Variants in PALM2AKAP2 observed in about 807,000 individuals in gnomAD.
The protein encoded by PALM2AKAP2 is PALM2 and AKAP2 fusion.
Under a neutral mutation model 71.5 loss-of-function variants are expected in PALM2AKAP2, and 37 were observed. The ratio of observed to expected loss-of-function variants is 0.52; its 90% CI spans 0.40 to 0.68. The LOEUF (loss-of-function observed/expected upper bound fraction) is 0.68. Among genes scored for constraint, PALM2AKAP2 ranks in the 30% least tolerant of loss-of-function variants. The pLI, the probability that PALM2AKAP2 is intolerant of heterozygous loss-of-function variation, is 0.00. For missense variants in PALM2AKAP2, 1,224 were observed against 1,191.8 expected (o/e 1.03, Z -0.40); for synonymous variants, 468 against 478.8 (o/e 0.98, Z 0.29).
At chr9:110,119,171 C>T (rs1185715403) in intron 1 of PALM2AKAP2, among the ~76,000 whole-genome samples, 1 of 151,490 alleles carries the variant, frequency 6.6e-6, no homozygotes, top group East Asian at 1.9e-4. Context: ...GGTAAAAATC[C>T]GTCTCTACTA....
At chr9:110,153,648 C>T (rs1221793432) in intron 2 of PALM2AKAP2, among the ~76,000 whole-genome samples, 3 of 152,228 alleles carry the variant, frequency 2.0e-5, no homozygotes, top group East Asian at 3.8e-4. Context: ...TTGCCTACCT[C>T]GTGCCATGTA....
At chr9:110,020,550 A>G (rs751043209) in intron 7 of PALM2AKAP2, among the ~76,000 whole-genome samples, 1 of 151,914 alleles carries the variant, frequency 6.6e-6, no homozygotes, top group Non-Finnish European at 1.5e-5. Context: ...GGGCGTGGTG[A>G]TGCATGCCTG....
At chr9:109,657,938 T>TTGTG (rs35984840) in intron 1 of PALM2AKAP2, among the ~76,000 whole-genome samples, 8,959 of 142,482 alleles carry the variant, frequency 0.063, 343 homozygotes, top group Non-Finnish European at 0.087. Context: ...TTGTGTGTGT[T>TTGTG]TGTGTGTGTG....
Position 109,903,423 on chromosome 9 carries a change from A to G in PALM2AKAP2, c.258-20312A>G, listed in dbSNP as rs1225465392. On this transcript the variant is annotated intron_variant, in intron 3 of 9. Transcript: ENST00000302798. ...CCCTCTAAAGTGATGATCTCAATGA[A>G]GATGGTTCACATAGGCCCACTACTT... Among the ~76,000 whole-genome samples, 9 of 152,248 alleles carry G rather than the reference A, an allele frequency of 5.9e-5. No homozygotes were observed. The East Asian group carries it at 1.7e-3, about 29-fold the overall frequency.
chr9:110,005,022 C>T (rs1159189730), intron 6 of PALM2AKAP2, among the ~76,000 whole-genome samples: 6 of 152,232 alleles, frequency 3.9e-5, no homozygotes, highest in Non-Finnish European at 5.9e-5. Flanking sequence ...GCCTTCTTCT[C>T]TCAACTCGTC....
At chr9:110,053,942 C>G (rs1265104880) in intron 1 of PALM2AKAP2, among the ~76,000 whole-genome samples, 3 of 152,116 alleles carry the variant, frequency 2.0e-5, no homozygotes, top group Non-Finnish European at 4.4e-5. Context: ...GTTTTTGATG[C>G]CTGATTGGAG....
Position 110,086,482 on chromosome 9 carries a change from C to T in PALM2AKAP2, c.156+37627C>T, listed in dbSNP as rs180694834. Among the ~76,000 whole-genome samples, 7 of 152,290 alleles carry T rather than the reference C, an allele frequency of 4.6e-5. No individual in the cohort carries two copies. In the East Asian group the frequency reaches 9.6e-4, roughly 21 times the overall value. On this transcript the variant is annotated intron_variant, in intron 1 of 3. Coordinates refer to ENST00000374525, the Ensembl canonical transcript of PALM2AKAP2. Reference sequence around the variant, plus strand: ...ATAGAGGCAATTCCTTGAAAAGCTGCAGAGAATGACTTGTACCATTTGCTG... The same window carrying T: ...ATAGAGGCAATTCCTTGAAAAGCTGTAGAGAATGACTTGTACCATTTGCTG...
chr9:109,880,515 TATC>T (rs1221211515), intron 2 of PALM2AKAP2, 33 bp from the exon 3 acceptor site: 2 of 1,610,458 alleles, frequency 1.2e-6, no homozygotes, highest in Admixed American at 3.3e-5. Context: ...GACTGAAAAG[TATC>T]ATCTTGTCTG....
intron 6 of PALM2AKAP2, chr9:109,943,666 A>G (rs1588025067): frequency 2.0e-6 from 1 of 501,832 alleles, no homozygotes; most frequent in East Asian, 3.4e-5. Flanking sequence ...TGTGTCTTCA[A>G]GAGTGAATCA....
chr9:109,930,587 T>C (rs1171945246), intron 5 of PALM2AKAP2, among the ~76,000 whole-genome samples: 1 of 152,238 alleles, frequency 6.6e-6, no homozygotes, highest in African/African-American at 2.4e-5. Context: ...CTAATGTCAA[T>C]ACATTCTGGA....
intron 2 of PALM2AKAP2, 75 bp downstream of exon 8, chr9:110,138,614 A>G (rs749670412): frequency 6.8e-7 from 1 of 1,465,634 alleles, no homozygotes; most frequent in Non-Finnish European, 9.0e-7. Flanking sequence ...ATGGGTTTCT[A>G]TGTGGAGCCT....
intron 7 of PALM2AKAP2, among the ~76,000 whole-genome samples, chr9:110,041,572 C>T (rs775275206): frequency 3.9e-5 from 6 of 151,914 alleles, no homozygotes; most frequent in Admixed American, 1.3e-4. Flanking sequence ...AGGCCAAGTG[C>T]GAGGATGCAG....
At chr9:110,057,203 G>A (rs1392550954) in intron 1 of PALM2AKAP2, among the ~76,000 whole-genome samples, 1 of 152,034 alleles carries the variant, frequency 6.6e-6, no homozygotes, top group Non-Finnish European at 1.5e-5. Context: ...TGTGATCATA[G>A]CTTACTGCAA....
At chr9:109,718,986 G>A (rs1055556944) in intron 1 of PALM2AKAP2, among the ~76,000 whole-genome samples, 1 of 152,080 alleles carries the variant, frequency 6.6e-6, no homozygotes, top group Admixed American at 6.5e-5. Flanking sequence ...GGAAAAAAAT[G>A]CATTGTTCTG....
intron 3 of PALM2AKAP2, among the ~76,000 whole-genome samples, chr9:109,886,650 TCA>T (rs1829973085): frequency 6.6e-6 from 1 of 152,216 alleles, no homozygotes; most frequent in Non-Finnish European, 1.5e-5. Flanking sequence ...CTCTTCAGTC[TCA>T]GTTTCCTCAT....
chr9:109,870,343 T>C (rs1050547114), intron 2 of PALM2AKAP2, among the ~76,000 whole-genome samples: 3 of 152,228 alleles, frequency 2.0e-5, no homozygotes, highest in African/African-American at 7.2e-5. Context: ...ACTTTTTCCC[T>C]GTAATCATCC....
intron 1 of PALM2AKAP2, among the ~76,000 whole-genome samples, chr9:109,750,490 C>A (rs1009052453): frequency 1.3e-5 from 2 of 151,864 alleles, no homozygotes; most frequent in Non-Finnish European, 2.9e-5. Flanking sequence ...AAGTATGATA[C>A]CTGAATTAGA....
chr9:109,972,808 A>G (rs1034708574), intron 6 of PALM2AKAP2, among the ~76,000 whole-genome samples: 2 of 152,204 alleles, frequency 1.3e-5, no homozygotes, highest in Non-Finnish European at 2.9e-5. Context: ...TTGTCTCCCT[A>G]TATCTCCTGC....
At chr9:109,846,464 A>G (rs79227475) in intron 1 of PALM2AKAP2, among the ~76,000 whole-genome samples, 3,161 of 152,276 alleles carry the variant, frequency 0.021, 48 homozygotes, top group Middle Eastern at 0.054. Flanking sequence ...AGCCCTCACC[A>G]AGCTGTGTGA....
Sources: allele counts gnomAD v4.1 joint callset (sites outside exome capture counted in the v4.1 genomes callset), GRCh38; gene constraint gnomAD v4.1.1; transcripts MANE v1.5; gene names NCBI Gene and HGNC (gene_info 2026-07-23, HGNC 2026-07-21).